The following VPS50 variants were observed in gnomAD, a reference collection of about 807,000 sequenced individuals.
The protein encoded by VPS50 is VPS50 subunit of EARP/GARPII complex.
In VPS50, 70 loss-of-function variants were observed where a neutral mutation model predicts 139.7. That is an observed-to-expected ratio of 0.50 (90% confidence interval 0.41 to 0.61). The LOEUF is 0.61. Ranked by LOEUF, VPS50 falls within the 20% of genes least tolerant of loss-of-function variation. The pLI is 0.00. For missense variants in VPS50, 921 were observed against 1,133.7 expected, an observed-to-expected ratio of 0.81 and a Z score of 2.69; for synonymous variants, 365 against 376.7, an observed-to-expected ratio of 0.97 and a Z score of 0.36.
chr7:93,280,078 G>C (rs1218528577), intron 12 of VPS50, among the ~76,000 whole-genome samples: 1 of 151,984 alleles, frequency 6.6e-6, no homozygotes, highest in Non-Finnish European at 1.5e-5. Flanking sequence ...AAGTTCTTAA[G>C]GCCAGCAGCA....
intron 16 of VPS50, 26 bp from the exon 17 acceptor site, chr7:93,303,434 T>C: frequency 9.3e-7 from 1 of 1,071,762 alleles, no homozygotes; most frequent in Non-Finnish European, 1.4e-6. Flanking sequence ...TCTCACTTTT[T>C]GGAGTGTTCA....
chr7:93,315,836 AT>A (rs397890428), intron 20 of VPS50, among the ~76,000 whole-genome samples: 7,908 of 140,750 alleles, frequency 0.056, 223 homozygotes, highest in East Asian at 0.15. Context: ...AGTCCACCAG[AT>A]TTTTTTTTTT....
intron 22 of VPS50, among the ~76,000 whole-genome samples, chr7:93,339,209 C>G (rs758902270): frequency 6.6e-6 from 1 of 150,678 alleles, no homozygotes; most frequent in Non-Finnish European, 1.5e-5. Flanking sequence ...AATTAACTTG[C>G]ATGGATCCAT....
chr7:93,272,764 C>T, intron 11 of VPS50, 31 bp downstream of exon 11: 1 of 1,021,030 alleles, frequency 9.8e-7, no homozygotes, highest in South Asian at 1.4e-5. Flanking sequence ...TGGATTTTTC[C>T]TTAATCAGGA....
At chr7:93,315,980 G>T (rs1191033376) in intron 20 of VPS50, among the ~76,000 whole-genome samples, 4 of 152,028 alleles carry the variant, frequency 2.6e-5, no homozygotes, top group African/African-American at 4.8e-5. Flanking sequence ...ACAGTGTGTT[G>T]TTATAAGCAT....
At chr7:93,296,191 A>T (rs1232845619) in intron 14 of VPS50, among the ~76,000 whole-genome samples, 1 of 151,970 alleles carries the variant, frequency 6.6e-6, no homozygotes, top group Non-Finnish European at 1.5e-5. Flanking sequence ...TAGTATTTAA[A>T]ATTTATTTTT....
At chr7:93,289,141 T>G (rs562350488) in intron 12 of VPS50, among the ~76,000 whole-genome samples, 1 of 152,112 alleles carries the variant, frequency 6.6e-6, no homozygotes. Flanking sequence ...GGAGCCTGAC[T>G]AGAGTTTGGT....
chr7:93,236,843 TA>T (rs1046752481), intron 1 of VPS50, among the ~76,000 whole-genome samples: 51 of 146,512 alleles, frequency 3.5e-4, no homozygotes, highest in African/African-American at 1.2e-3. Flanking sequence ...TCTGTCATAA[TA>T]AAAATATTAA....
intron 27 of VPS50, among the ~76,000 whole-genome samples, chr7:93,357,487 G>T (rs1283676533): frequency 1.3e-5 from 2 of 152,152 alleles, no homozygotes; most frequent in African/African-American, 4.8e-5. Flanking sequence ...TTACTTACCA[G>T]GCGGGGACAG....
At position 93,297,262 on chromosome 7, in the gene VPS50, T is replaced by C; in HGVS notation, c.1361+19T>C. The C allele has an allele frequency of 1.3e-6, 2 of 1,515,820 alleles. No individual in the cohort carries two copies. Among genetic ancestry groups the C allele is most frequent in the Non-Finnish European group, 8.7e-7 (1 of 1,144,556 alleles). 93.9% of individuals were successfully genotyped at this position (1,515,820 alleles called of 1,614,324 possible). On this transcript the variant is annotated intron_variant, in intron 16 of 27. Coordinates refer to ENST00000305866, the MANE Select transcript of VPS50 (RefSeq NM_017667.4). Reference sequence around the variant, plus strand: ...ACCATAGGTAAGAACTCTAATAAGATATGAATCGACTTATTTAGGTAATGA... The same window carrying C: ...ACCATAGGTAAGAACTCTAATAAGACATGAATCGACTTATTTAGGTAATGA...
chr7:93,323,972 T>C (rs1208970948), intron 21 of VPS50, among the ~76,000 whole-genome samples: 1 of 152,198 alleles, frequency 6.6e-6, no homozygotes, highest in Non-Finnish European at 1.5e-5. Context: ...AACATCTGTT[T>C]CTAACCTTGA....
chr7:93,239,961 CT>C, intron 2 of VPS50, 27 bp downstream of exon 2: 1 of 1,337,242 alleles, frequency 7.5e-7, no homozygotes, highest in Non-Finnish European at 1.1e-6. Context: ...GTGAGCGTGA[CT>C]TTTTACTTCC....
intron 16 of VPS50, among the ~76,000 whole-genome samples, chr7:93,298,387 C>G (rs1427165134): frequency 1.3e-5 from 2 of 152,092 alleles, no homozygotes; most frequent in African/African-American, 4.8e-5. Context: ...TATAAACATT[C>G]CTGTATAGAA....
intron 21 of VPS50, among the ~76,000 whole-genome samples, chr7:93,327,028 CA>C: frequency 6.6e-6 from 1 of 152,152 alleles, no homozygotes; most frequent in Admixed American, 6.5e-5. Flanking sequence ...TTTGGAAACT[CA>C]CTAAATAAAT....
At chr7:93,280,176 C>T (rs1209376757) in intron 12 of VPS50, among the ~76,000 whole-genome samples, 1 of 152,064 alleles carries the variant, frequency 6.6e-6, no homozygotes, top group South Asian at 2.1e-4. Flanking sequence ...TTTTTGAAAT[C>T]ATTTTGCAGT....
chr7:93,279,059 A>G (rs1372943932), intron 12 of VPS50, among the ~76,000 whole-genome samples: 2 of 152,116 alleles, frequency 1.3e-5, no homozygotes, highest in African/African-American at 4.8e-5. Flanking sequence ...GAGTTAACAT[A>G]ATAAGGTGAA....
At chr7:93,268,741 G>A (rs1337261296) in intron 9 of VPS50, among the ~76,000 whole-genome samples, 2 of 152,044 alleles carry the variant, frequency 1.3e-5, no homozygotes, top group African/African-American at 4.8e-5. Context: ...TGGGCATTTG[G>A]GTTGACTCCA....
chr7:93,238,298 C>CTT, intron 1 of VPS50, among the ~76,000 whole-genome samples: 1 of 143,612 alleles, frequency 7.0e-6, no homozygotes, highest in African/African-American at 2.5e-5. Flanking sequence ...CTCCTTAGGC[C>CTT]TTTTTTTTTT....
intron 20 of VPS50, 48 bp downstream of exon 20, chr7:93,311,320 G>A (rs1176322441): frequency 3.6e-6 from 3 of 831,544 alleles, no homozygotes; most frequent in Non-Finnish European, 6.3e-6. Context: ...AAATTAGTTT[G>A]TTACCGAATG....
Sources: gnomAD v4.1 joint callset for allele counts (sites outside exome capture counted in the v4.1 genomes callset) on GRCh38, gnomAD v4.1.1 for gene constraint, MANE v1.5 for transcripts, NCBI Gene and HGNC (gene_info 2026-07-23, HGNC 2026-07-21) for gene names.